The following CDK14 variants were observed in gnomAD, a reference collection of about 807,000 sequenced individuals.
CDK14 encodes cyclin-dependent kinase 14.
Under a neutral mutation model 60.7 loss-of-function variants are expected in CDK14, and 34 were observed. That is an observed-to-expected ratio of 0.56 (90% CI 0.43 to 0.75). The LOEUF (loss-of-function observed/expected upper bound fraction) is 0.75. Among genes scored for constraint, CDK14 ranks in the 30% least tolerant of loss-of-function variants. The pLI is 0.00. For missense variants in CDK14, 482 were observed against 564.1 expected (o/e 0.85, Z 1.47); for synonymous variants, 197 against 203.7 (o/e 0.97, Z 0.28).
At chr7:90,890,160 A>AC (rs1792069929) in intron 6 of CDK14, among the ~76,000 whole-genome samples, 1 of 152,218 alleles carries the variant, frequency 6.6e-6, no homozygotes, top group Non-Finnish European at 1.5e-5. Flanking sequence ...ATCACCTAAG[A>AC]CCAAGAGTTC....
chr7:90,726,239 C>T (rs1802628146), intron 2 of CDK14: 25 of 909,670 alleles, frequency 2.7e-5, no homozygotes, highest in Middle Eastern at 5.5e-4. Context: ...CTTAATGATT[C>T]AGAAATAAAC....
intron 14 of CDK14, among the ~76,000 whole-genome samples, chr7:91,191,384 T>G (rs1479028402): frequency 6.6e-6 from 1 of 152,060 alleles, no homozygotes; most frequent in Non-Finnish European, 1.5e-5. Flanking sequence ...AAGGAAGACA[T>G]GTCAAATGAA....
chr7:90,967,262 G>A (rs897459050), intron 9 of CDK14, among the ~76,000 whole-genome samples: 3 of 152,014 alleles, frequency 2.0e-5, no homozygotes, highest in Non-Finnish European at 2.9e-5. Flanking sequence ...AATTAGGTTC[G>A]TATTGTATAA....
chr7:91,027,941 C>T (rs1453607260), intron 10 of CDK14, among the ~76,000 whole-genome samples: 4 of 86,830 alleles, frequency 4.6e-5, no homozygotes, highest in Non-Finnish European at 6.8e-5. Flanking sequence ...CGCTCCCCTC[C>T]GCTCCACTCC....
At chr7:90,656,448 T>C (rs1987866) in intron 2 of CDK14, among the ~76,000 whole-genome samples, 45,611 of 150,578 alleles carry the variant, frequency 0.3, 7,810 homozygotes, top group East Asian at 0.67. Context: ...GGAGCAGTCT[T>C]GGCTCACTGC....
At chr7:90,902,749 A>G (rs570309936) in intron 7 of CDK14, among the ~76,000 whole-genome samples, 2 of 152,272 alleles carry the variant, frequency 1.3e-5, no homozygotes, top group South Asian at 2.1e-4. Context: ...GATAAATGGG[A>G]CTATATTAAA....
chr7:90,626,863 C>T (rs1799886089), intron 2 of CDK14, among the ~76,000 whole-genome samples: 1 of 150,560 alleles, frequency 6.6e-6, no homozygotes, highest in African/African-American at 2.4e-5. Flanking sequence ...TCACTTGAGC[C>T]CAGAGTTTGA....
At chr7:90,905,589 G>A (rs1345130796) in intron 7 of CDK14, among the ~76,000 whole-genome samples, 1 of 152,006 alleles carries the variant, frequency 6.6e-6, no homozygotes, top group Non-Finnish European at 1.5e-5. Flanking sequence ...CAGGACCAGC[G>A]TCCTGGATCA....
chr7:91,047,914 G>A (rs1797286717), intron 11 of CDK14, among the ~76,000 whole-genome samples: 1 of 152,134 alleles, frequency 6.6e-6, no homozygotes, highest in South Asian at 2.1e-4. Flanking sequence ...AGATCTCATA[G>A]TCCTGGGGAA....
chr7:91,124,034 G>A (rs1219223494), intron 14 of CDK14, among the ~76,000 whole-genome samples: 5 of 151,918 alleles, frequency 3.3e-5, no homozygotes, highest in Middle Eastern at 3.4e-3. Context: ...CTACAGGTGC[G>A]CACCACCACA....
chr7:90,795,363 G>A (rs531086292), intron 5 of CDK14, among the ~76,000 whole-genome samples: 60 of 151,908 alleles, frequency 3.9e-4, no homozygotes, highest in African/African-American at 1.4e-3. Context: ...ACTCTTCAGT[G>A]TGTTCCGGTA....
At chr7:90,941,332 A>T (rs191088833) in intron 8 of CDK14, among the ~76,000 whole-genome samples, 12 of 152,310 alleles carry the variant, frequency 7.9e-5, no homozygotes. Context: ...CCCTGTCTCA[A>T]AACGTGAGCA....
At chr7:90,729,615 G>C (rs117149812) in intron 3 of CDK14, among the ~76,000 whole-genome samples, 2,330 of 151,090 alleles carry the variant, frequency 0.015, 21 homozygotes, top group Middle Eastern at 0.027. Context: ...AGATCATCTT[G>C]GGCTTACCCT....
At chr7:91,155,191 G>A (rs189785793) in intron 14 of CDK14, among the ~76,000 whole-genome samples, 182 of 152,338 alleles carry the variant, frequency 1.2e-3, no homozygotes, top group African/African-American at 4.2e-3. Context: ...CAGGAAGGAA[G>A]ACCAGCTAGC....
At position 90,677,749 on chromosome 7, in the gene CDK14, C is replaced by T. The variant is rs117171796; in HGVS notation, c.124-48818C>T. Among the ~76,000 whole-genome samples, 1,252 of 152,156 alleles carry T rather than the reference C, an allele frequency of 8.2e-3. 8 individuals carry two copies. Among genetic ancestry groups the T allele is most frequent in the Non-Finnish European group, 0.013 (888 of 68,002 alleles). ...TTCTCTGAAGTTGATGTTTTGGTGT[C>T]TAAAATGACTTGATTTTTTCCATTT... is the stretch of plus-strand genomic sequence containing the variant. On this transcript the variant is annotated intron_variant, in intron 2 of 14. Coordinates refer to ENST00000380050, the MANE Select transcript of CDK14 (RefSeq NM_001287135.2).
At chr7:91,180,769 T>C (rs1801977148) in intron 14 of CDK14, among the ~76,000 whole-genome samples, 1 of 152,174 alleles carries the variant, frequency 6.6e-6, no homozygotes. Flanking sequence ...GACTGGGATT[T>C]AGAGGAGGAG....
chr7:90,659,282 T>C lies in CDK14; in HGVS notation c.123+55033T>C, dbSNP rs147321925. Among the ~76,000 whole-genome samples the C allele has an allele frequency of 2.0e-5, 3 of 152,272 alleles. No individual in the cohort carries two copies. In the East Asian group the frequency reaches 5.8e-4, roughly 29 times the overall value. ...GCACTTTGAGTAAGTGTTAAAGATA[T>C]CAGGGGGAAAATTCACGAACCCAAA... On this transcript the variant is annotated intron_variant, in intron 2 of 14. Transcript: ENST00000380050.
intron 14 of CDK14, among the ~76,000 whole-genome samples, chr7:91,165,402 G>A (rs1801314672): frequency 6.6e-6 from 1 of 152,092 alleles, no homozygotes; most frequent in Admixed American, 6.6e-5. Context: ...ATGAGTTTTG[G>A]GCTAAACCTT....
At chr7:90,736,264 T>C (rs1803100526) in intron 3 of CDK14, among the ~76,000 whole-genome samples, 1 of 151,758 alleles carries the variant, frequency 6.6e-6, no homozygotes, top group Non-Finnish European at 1.5e-5. Context: ...GCTGTTCCTA[T>C]TTGGCCATCT....
Sources: allele counts gnomAD v4.1 joint callset (sites outside exome capture counted in the v4.1 genomes callset), GRCh38; gene constraint gnomAD v4.1.1; transcripts MANE v1.5; gene names NCBI Gene and HGNC (gene_info 2026-07-23, HGNC 2026-07-21).